Variants in RGS6 observed in about 807,000 individuals in gnomAD.
RGS6 encodes regulator of G protein signaling 6, also known as regulator of G-protein signaling 6.
A neutral mutation model predicts 78.5 loss-of-function variants in RGS6; 30 were observed. The ratio of observed to expected loss-of-function variants is 0.38; its 90% CI spans 0.29 to 0.52. RGS6 has a LOEUF of 0.52. Ranked by LOEUF, RGS6 falls within the 20% of genes least tolerant of loss-of-function variation. The probability of loss-of-function intolerance (pLI) is 0.85; values close to 1 mark genes in which losing one functional copy is unlikely to be tolerated. For missense variants in RGS6, 495 were observed against 609.7 expected (o/e 0.81, Z 1.98); for synonymous variants, 206 against 206.0 (o/e 1.00, Z 0.00).
At chr14:72,080,880 G>A (rs976372583) in intron 2 of RGS6, among the ~76,000 whole-genome samples, 8 of 152,040 alleles carry the variant, frequency 5.3e-5, no homozygotes, top group African/African-American at 1.7e-4. Context: ...TGGCCTAAGT[G>A]TCTGTTTTTA....
Position 72,562,700 on chromosome 14 carries a change from CTCT to C in RGS6, c.*238_*240del, listed in dbSNP as rs2097690962. On this transcript the variant is annotated 3_prime_UTR_variant, in exon 18 of 18. Transcript: ENST00000553525. ...GGTGGAGGCTCCTGTTTACAGCCCT[CTCT>C]TCTTTGTACAGTTGTATTCCAACAC... is the stretch of plus-strand genomic sequence containing the variant. The C allele has an allele frequency of 6.5e-7, 1 of 1,536,082 alleles. No individual in the cohort carries two copies.
At chr14:72,237,693 G>A (rs752142697) in intron 2 of RGS6, among the ~76,000 whole-genome samples, 1 of 152,132 alleles carries the variant, frequency 6.6e-6, no homozygotes, top group Non-Finnish European at 1.5e-5. Flanking sequence ...TGAAAGGGGT[G>A]TGGCCCACTT....
chr14:72,600,455 G>GC, the RGS6 span, among the ~76,000 whole-genome samples: 1 of 151,820 alleles, frequency 6.6e-6, no homozygotes, highest in Non-Finnish European at 1.5e-5. Flanking sequence ...AGGAAGTCAC[G>GC]CCCCCTCTCT....
At chr14:72,558,356 C>T (rs924564840) in intron 17 of RGS6, among the ~76,000 whole-genome samples, 1 of 152,098 alleles carries the variant, frequency 6.6e-6, no homozygotes, top group African/African-American at 2.4e-5. Flanking sequence ...CCCAGTATGC[C>T]CCAATCTGAC....
At chr14:72,414,180 A>C (rs1245137316) in intron 3 of RGS6, among the ~76,000 whole-genome samples, 1 of 152,118 alleles carries the variant, frequency 6.6e-6, no homozygotes, top group African/African-American at 2.4e-5. Flanking sequence ...ACTTGGTTCC[A>C]TTCTCCCTGT....
At chr14:72,157,995 C>T (rs1382686890) in intron 2 of RGS6, among the ~76,000 whole-genome samples, 1 of 152,084 alleles carries the variant, frequency 6.6e-6, no homozygotes, top group Non-Finnish European at 1.5e-5. Context: ...CTCCCTTAGC[C>T]CCGCACTTTG....
At chr14:72,099,795 A>T (rs1435301805) in intron 2 of RGS6, among the ~76,000 whole-genome samples, 3 of 152,174 alleles carry the variant, frequency 2.0e-5, no homozygotes, top group Non-Finnish European at 4.4e-5. Flanking sequence ...CAGTAGTGAT[A>T]GTCATTAGTA....
At chr14:72,304,556 T>C (rs997057455) in intron 2 of RGS6, among the ~76,000 whole-genome samples, 3 of 152,184 alleles carry the variant, frequency 2.0e-5, no homozygotes, top group African/African-American at 7.2e-5. Context: ...AAGTAAAGTA[T>C]GGGTCAAATG....
intron 2 of RGS6, among the ~76,000 whole-genome samples, chr14:72,279,710 G>A (rs544391381): frequency 6.6e-6 from 1 of 152,290 alleles, no homozygotes; most frequent in Admixed American, 6.5e-5. Flanking sequence ...TGTAAATAAA[G>A]GAAGAGTGAT....
chr14:72,383,032 T>G (rs935966116), intron 3 of RGS6, among the ~76,000 whole-genome samples: 1 of 151,302 alleles, frequency 6.6e-6, no homozygotes, highest in Non-Finnish European at 1.5e-5. Flanking sequence ...TTCTTTTTAC[T>G]GGGTGGTGGG....
At chr14:72,447,480 C>T (rs1597648432) in intron 3 of RGS6, among the ~76,000 whole-genome samples, 1 of 152,238 alleles carries the variant, frequency 6.6e-6, no homozygotes, top group East Asian at 1.9e-4. Context: ...TCTCTAAGGC[C>T]TAAAATTTAA....
At chr14:72,297,066 T>C (rs568029853) in intron 2 of RGS6, among the ~76,000 whole-genome samples, 38 of 152,322 alleles carry the variant, frequency 2.5e-4, no homozygotes, top group African/African-American at 8.2e-4. Flanking sequence ...TTGATATCTT[T>C]GTTGAAATTG....
Position 72,243,506 on chromosome 14 carries a change from G to A in RGS6, c.85-108589G>A, listed in dbSNP as rs140683587. Among the ~76,000 whole-genome samples the A allele has an allele frequency of 2.4e-3, 358 of 151,764 alleles. 1 individual carries two copies. The highest frequency in any genetic ancestry group is 3.8e-3 in the Non-Finnish European group (260 of 68,018). On this transcript the variant is annotated intron_variant, in intron 2 of 17. Coordinates refer to ENST00000553525, the MANE Select transcript of RGS6 (RefSeq NM_001204424.2). ...ATACATGACAATGCAATTCATTTGG[G>A]TCTCTCCATTGCATATTTGCTACAG...
At chr14:72,522,984 A>C (rs775805290) in intron 15 of RGS6, among the ~76,000 whole-genome samples, 10 of 152,258 alleles carry the variant, frequency 6.6e-5, no homozygotes, top group Non-Finnish European at 1.2e-4. Flanking sequence ...ATGTTTCTAC[A>C]TGAGGATTGA....
At chr14:72,409,696 A>G (rs1756349314) in intron 3 of RGS6, among the ~76,000 whole-genome samples, 2 of 151,990 alleles carry the variant, frequency 1.3e-5, no homozygotes, top group African/African-American at 4.8e-5. Flanking sequence ...TATATCTCTC[A>G]GTGCTATCCC....
intron 2 of RGS6, among the ~76,000 whole-genome samples, chr14:72,060,012 A>G (rs2093812430): frequency 6.6e-6 from 1 of 152,142 alleles, no homozygotes. Context: ...GTTTGCCTAC[A>G]TTATACACTT....
intron 1 of RGS6, among the ~76,000 whole-genome samples, chr14:71,945,554 T>G (rs190717421): frequency 8.5e-4 from 130 of 152,288 alleles, no homozygotes; most frequent in African/African-American, 3.0e-3. Context: ...AGATAGAAAG[T>G]TTTTACTCCC....
rs531320991 is a variant in RGS6, at chr14:72,161,726, G to A, written c.85-190369G>A. Among the ~76,000 whole-genome samples, 27 of 152,328 alleles carry A rather than the reference G, an allele frequency of 1.8e-4. No homozygotes were observed. The South Asian group carries it at 5.6e-3, about 32-fold the overall frequency. On this transcript the variant is annotated intron_variant, in intron 2 of 17. Coordinates refer to ENST00000553525, the MANE Select transcript of RGS6 (RefSeq NM_001204424.2). ...AGTTGCTGAACTACAGGAGTGTGGA[G>A]TAACAATGCCTTTCATGTCAATTCT...
chr14:72,357,122 T>C (rs1461210396), intron 3 of RGS6, among the ~76,000 whole-genome samples: 1 of 151,874 alleles, frequency 6.6e-6, no homozygotes, highest in Non-Finnish European at 1.5e-5. Flanking sequence ...AGTACAAAAA[T>C]TAGCTCAGTG....
Sources: gnomAD v4.1 joint callset for allele counts (sites outside exome capture counted in the v4.1 genomes callset) on GRCh38, gnomAD v4.1.1 for gene constraint, MANE v1.5 for transcripts, NCBI Gene and HGNC (gene_info 2026-07-23, HGNC 2026-07-21) for gene names.